NMNAT2: variants seen among roughly 807,000 people sequenced by gnomAD.
NMNAT2 encodes nicotinamide/nicotinic acid mononucleotide adenylyltransferase 2.
A neutral mutation model predicts 41.6 loss-of-function variants in NMNAT2; 11 were observed. The observed-to-expected ratio is 0.26, with a 90% CI of 0.17 to 0.44. The LOEUF (loss-of-function observed/expected upper bound fraction) is 0.44, where lower values mean the gene tolerates loss of function less well. NMNAT2 is among the 20% of genes least tolerant of loss of function. The pLI, the probability that NMNAT2 is intolerant of heterozygous loss-of-function variation, is 1.00. For missense variants in NMNAT2, 288 were observed against 407.7 expected (o/e 0.71, Z 2.53); for synonymous variants, 148 against 151.2 (o/e 0.98, Z 0.16).
intron 1 of NMNAT2, among the ~76,000 whole-genome samples, chr1:183,338,282 C>T (rs1662721937): frequency 6.9e-6 from 1 of 145,872 alleles, no homozygotes; most frequent in African/African-American, 2.5e-5. Flanking sequence ...CATCTGAAAA[C>T]TGCAAGACAC....
intron 4 of NMNAT2, among the ~76,000 whole-genome samples, chr1:183,287,407 T>A (rs1466545219): frequency 6.6e-6 from 1 of 152,010 alleles, no homozygotes; most frequent in Admixed American, 6.5e-5. Context: ...GCACAGGATG[T>A]GTTTGTGCTG....
At chr1:183,408,779 G>A (rs1255387290) in intron 1 of NMNAT2, among the ~76,000 whole-genome samples, 1 of 152,090 alleles carries the variant, frequency 6.6e-6, no homozygotes, top group Admixed American at 6.5e-5. Context: ...AGCAAGATTG[G>A]TTCATGGAAA....
At chr1:183,347,533 C>T (rs1036189731) in intron 1 of NMNAT2, among the ~76,000 whole-genome samples, 5 of 152,124 alleles carry the variant, frequency 3.3e-5, no homozygotes, top group African/African-American at 2.4e-5. Flanking sequence ...AGATTAAGTA[C>T]ATTATTATAT....
intron 1 of NMNAT2, among the ~76,000 whole-genome samples, chr1:183,321,462 C>T (rs1172389583): frequency 1.3e-5 from 2 of 152,146 alleles, no homozygotes; most frequent in African/African-American, 2.4e-5. Context: ...AATATTTGGC[C>T]AGGCGCGGTG....
intron 4 of NMNAT2, among the ~76,000 whole-genome samples, 194 bp downstream of exon 4, chr1:183,289,934 G>A (rs560288956): frequency 9.8e-5 from 15 of 152,320 alleles, no homozygotes; most frequent in Middle Eastern, 3.4e-3. Flanking sequence ...GGTGCTACTC[G>A]GGGTTCCTCA....
At chr1:183,290,926 AT>A (rs558346446) in intron 3 of NMNAT2, among the ~76,000 whole-genome samples, 2 of 151,318 alleles carry the variant, frequency 1.3e-5, no homozygotes, top group Non-Finnish European at 3.0e-5. Context: ...CAACTTAATG[AT>A]TTTTTTTTAG....
intron 8 of NMNAT2, among the ~76,000 whole-genome samples, chr1:183,274,170 CCCAAAGCA>C (rs1304185331): frequency 1.3e-5 from 2 of 151,898 alleles, no homozygotes; most frequent in African/African-American, 2.4e-5. Flanking sequence ...ACTTCAGACT[CCCAAAGCA>C]CTGGGATTAC....
At chr1:183,286,590 CAGT>C in intron 5 of NMNAT2, 69 bp downstream of exon 5, 3 of 1,369,266 alleles carry the variant, frequency 2.2e-6, no homozygotes, top group Non-Finnish European at 2.0e-6. Flanking sequence ...GGGTGGATCC[CAGT>C]AGTCATTAAT....
At chr1:183,386,717 C>T (rs901454151) in intron 1 of NMNAT2, among the ~76,000 whole-genome samples, 4 of 151,680 alleles carry the variant, frequency 2.6e-5, no homozygotes, top group Non-Finnish European at 5.9e-5. Flanking sequence ...ACATTTTGCA[C>T]AAAATAAAAA....
chr1:183,297,475 C>T (rs539256483), intron 1 of NMNAT2, among the ~76,000 whole-genome samples: 57 of 151,624 alleles, frequency 3.8e-4, no homozygotes, highest in African/African-American at 1.4e-3. Flanking sequence ...CTCTGCCTCC[C>T]GGGTTCAAGC....
intron 1 of NMNAT2, among the ~76,000 whole-genome samples, chr1:183,396,498 A>G (rs1340859872): frequency 6.6e-6 from 1 of 151,794 alleles, no homozygotes; most frequent in East Asian, 1.9e-4. Flanking sequence ...CTGGTATATG[A>G]CCTCCTTGGG....
intron 1 of NMNAT2, among the ~76,000 whole-genome samples, chr1:183,330,231 A>G (rs1047394335): frequency 6.6e-6 from 1 of 152,240 alleles, no homozygotes; most frequent in Admixed American, 6.5e-5. Context: ...ACATTATTTG[A>G]GTCAATGTGA....
At chr1:183,374,361 G>T (rs768369592) in intron 1 of NMNAT2, among the ~76,000 whole-genome samples, 1 of 152,156 alleles carries the variant, frequency 6.6e-6, no homozygotes, top group African/African-American at 2.4e-5. Flanking sequence ...TCAAGAGGCC[G>T]CTGGCCTCAG....
chr1:183,366,643 G>A (rs1018906809), intron 1 of NMNAT2, among the ~76,000 whole-genome samples: 2 of 152,198 alleles, frequency 1.3e-5, no homozygotes, highest in African/African-American at 4.8e-5. Flanking sequence ...GTGTGGGAGT[G>A]AGATGGGGAG....
At chr1:183,257,326 A>G (rs1246966964) in intron 10 of NMNAT2, among the ~76,000 whole-genome samples, 2 of 152,002 alleles carry the variant, frequency 1.3e-5, no homozygotes, top group African/African-American at 4.8e-5. Flanking sequence ...CTGTAATCCC[A>G]GCTACTTGGG....
chr1:183,301,426 C>G (rs1661849564), intron 1 of NMNAT2, among the ~76,000 whole-genome samples: 1 of 152,260 alleles, frequency 6.6e-6, no homozygotes, highest in South Asian at 2.1e-4. Flanking sequence ...AAAGCTGTAG[C>G]TATGGCCCTG....
chr1:183,388,629 C>T (rs1648331408), intron 1 of NMNAT2, among the ~76,000 whole-genome samples: 1 of 152,224 alleles, frequency 6.6e-6, no homozygotes, highest in African/African-American at 2.4e-5. Flanking sequence ...AATTATCTGT[C>T]TTTAATAAAG....
chr1:183,284,853 A>C, intron 5 of NMNAT2, 63 bp from the exon 6 acceptor site: 2 of 1,405,810 alleles, frequency 1.4e-6, no homozygotes, highest in Non-Finnish European at 2.0e-6. Context: ...ACTGGCACTC[A>C]TGTCGGCCCG....
At chr1:183,397,025 A>G (rs1359091681) in intron 1 of NMNAT2, among the ~76,000 whole-genome samples, 1 of 152,224 alleles carries the variant, frequency 6.6e-6, no homozygotes, top group Admixed American at 6.5e-5. Context: ...TCCAGAGTCA[A>G]AGCACATAGG....
Sources: allele counts gnomAD v4.1 joint callset (sites outside exome capture counted in the v4.1 genomes callset), GRCh38; gene constraint gnomAD v4.1.1; transcripts MANE v1.5; gene names NCBI Gene and HGNC (gene_info 2026-07-23, HGNC 2026-07-21).